Variants in GARS1 observed in about 807,000 individuals in gnomAD.
GARS1 encodes glycine--tRNA ligase.
Under a neutral mutation model 86.4 loss-of-function variants are expected in GARS1, and 46 were observed. The observed-to-expected ratio is 0.53, with a 90% CI of 0.42 to 0.68. GARS1 has a LOEUF of 0.68. GARS1 is among the 30% of genes least tolerant of loss of function. The probability of loss-of-function intolerance (pLI) is 0.00; values close to 1 mark genes in which losing one functional copy is unlikely to be tolerated. For missense variants in GARS1, 797 were observed against 915.6 expected (o/e 0.87, Z 1.67); for synonymous variants, 342 against 329.8 (o/e 1.04, Z -0.40).
chr7:30,611,885 G>A (rs1782765837), intron 7 of GARS1, among the ~76,000 whole-genome samples: 1 of 152,178 alleles, frequency 6.6e-6, no homozygotes, highest in Non-Finnish European at 1.5e-5. Context: ...AAGTAGTACT[G>A]CCACACTAAT....
rs1252857159 is a variant in GARS1 at position 30,622,323 on chromosome 7, G to A, written c.1474G>A (p.Val492Ile). Residue 492 changes from valine to isoleucine, a missense_variant, in exon 12 of 17, where the codon GTC becomes ATC. Val to Ile is a conservative substitution (Grantham distance 29, BLOSUM62 3). Coordinates refer to ENST00000389266, the MANE Select transcript of GARS1 (RefSeq NM_002047.4). Reference sequence around the variant, plus strand: ...TTCCTTGACTACTTCATACAAAACAGTCAATGTTGTTCAGTTTGAACCCAG... The same window carrying A: ...TTCCTTGACTACTTCATACAAAACAATCAATGTTGTTCAGTTTGAACCCAG... ...AEKPLKEPKTVNVVQFEPSKG... is the reference protein window; with the variant it reads ...AEKPLKEPKTINVVQFEPSKG... The A allele has an allele frequency of 6.2e-7, 1 of 1,614,122 alleles. No individual in the cohort carries two copies. Among genetic ancestry groups the A allele is most frequent in the Admixed American group, 1.7e-5 (1 of 60,028 alleles).
intron 1 of GARS1, among the ~76,000 whole-genome samples, chr7:30,598,047 C>G (rs978002412): frequency 6.6e-6 from 1 of 152,016 alleles, no homozygotes; most frequent in Non-Finnish European, 1.5e-5. Context: ...GAAGATGAGC[C>G]AGCAGTGACT....
Position 30,632,787 on chromosome 7 carries a change from A to G in GARS1, c.2094+350A>G, listed in dbSNP as rs1783262460. Among the ~76,000 whole-genome samples the G allele has an allele frequency of 6.6e-6, 1 of 152,122 alleles. No individual in the cohort carries two copies. The highest frequency in any genetic ancestry group is 2.1e-4 in the South Asian group (1 of 4,826). On this transcript the variant is annotated intron_variant, in intron 16 of 16. Coordinates refer to ENST00000389266, the MANE Select transcript of GARS1 (RefSeq NM_002047.4). This position sits in a 1 kb window ranked among gnomAD's most constrained non-coding sequence, Gnocchi z 4.1. The stretch of plus-strand genomic sequence containing the variant: ...GGAGGGTTAGACATTTTAATGTTTT[A>G]TTTTTACAGACGCGTATACATGTGT...
In GARS1 at chr7:30,632,880, G is replaced by A. The variant is rs1297529325; in HGVS notation, c.2094+443G>A. On this transcript the variant is annotated intron_variant, in intron 16 of 16. Coordinates refer to ENST00000389266, the MANE Select transcript of GARS1 (RefSeq NM_002047.4). This position sits in a 1 kb window ranked among gnomAD's most constrained non-coding sequence, Gnocchi z 4.1. ...CATGTTTCAGTAGTTTTGGTCAATA[G>A]GAAGGCAGTAATGGAGATGGTAGAA... Among the ~76,000 whole-genome samples, 3 of 152,198 alleles carry A rather than the reference G, an allele frequency of 2.0e-5. No individual in the cohort carries two copies. Among genetic ancestry groups the A allele is most frequent in the African/African-American group, 4.8e-5 (2 of 41,440 alleles).
chr7:30,615,747 A>T lies in GARS1; in HGVS notation c.1032-149A>T, dbSNP rs17159280. ...TCAAAATTTTTTTGGCCATTCCCTT[A>T]GGAAACCAACTTTCTGTTTAGTGAA... On this transcript the variant is annotated intron_variant, in intron 8 of 16. Coordinates refer to ENST00000389266, the MANE Select transcript of GARS1 (RefSeq NM_002047.4). 24,924 of 859,068 alleles carry T rather than the reference A, an allele frequency of 0.029. 441 individuals are homozygous for T. Among genetic ancestry groups the T allele is most frequent in the African/African-American group, 0.056 (3,284 of 58,368 alleles). 53.2% of individuals were successfully genotyped at this position (859,068 alleles called of 1,614,324 possible).
At chr7:30,609,850 G>T (rs1791562005) in intron 7 of GARS1, 120 bp downstream of exon 7, 6 of 788,128 alleles carry the variant, frequency 7.6e-6, no homozygotes, top group Non-Finnish European at 1.3e-5. Context: ...CAGAAGTACA[G>T]ATGAATGTAT....
intron 13 of GARS1, among the ~76,000 whole-genome samples, chr7:30,627,359 A>T (rs1349944813): frequency 7.2e-5 from 11 of 152,134 alleles, no homozygotes; most frequent in Admixed American, 7.2e-4. Flanking sequence ...CATCACCATT[A>T]CTCAGATACC....
chr7:30,616,546 G>A (rs1382143970), intron 9 of GARS1, among the ~76,000 whole-genome samples: 2 of 152,232 alleles, frequency 1.3e-5, no homozygotes, highest in Non-Finnish European at 2.9e-5. Flanking sequence ...GCCTCAGGGA[G>A]CAGTGAGCTT....
In GARS1 at chr7:30,632,736, T is replaced by A. The variant is rs1783261963; in HGVS notation, c.2094+299T>A. ...AGAGAAATATGATCCTAAGAATTTG[T>A]TGCCATAGTTTTATTGGTAGGCTTT... On this transcript the variant is annotated intron_variant, in intron 16 of 16. Coordinates refer to ENST00000389266, the MANE Select transcript of GARS1 (RefSeq NM_002047.4). The surrounding 1 kb of genome is among the most constrained non-coding windows in gnomAD (Gnocchi z 4.1). Among the ~76,000 whole-genome samples, 1 of 152,268 alleles carries A rather than the reference T, an allele frequency of 6.6e-6. No individual in the cohort carries two copies. The highest frequency in any genetic ancestry group is 2.4e-5 in the African/African-American group (1 of 41,472).
chr7:30,626,217 G>A lies in GARS1; in HGVS notation c.1614-17G>A. 2 of 1,532,074 alleles carry A rather than the reference G, an allele frequency of 1.3e-6. No homozygotes were observed. The highest frequency in any genetic ancestry group is 2.3e-5 in the East Asian group (1 of 44,408). 94.9% of individuals were successfully genotyped at this position (1,532,074 alleles called of 1,614,324 possible). ...GCCTGTTTGAACTAATACAAAATGT[G>A]TTTTGTTTCTTCGTAGGGAATTCAC... On this transcript the variant is annotated splice_polypyrimidine_tract_variant and intron_variant, in intron 12 of 16. Coordinates refer to ENST00000389266, the MANE Select transcript of GARS1 (RefSeq NM_002047.4).
intron 8 of GARS1, among the ~76,000 whole-genome samples, chr7:30,614,769 G>A (rs1209226696): frequency 2.6e-5 from 4 of 151,790 alleles, no homozygotes; most frequent in Admixed American, 6.5e-5. Flanking sequence ...CCAGCTACTC[G>A]GGAGGCTGAG....
chr7:30,626,549 C>A (rs900868710), intron 13 of GARS1, among the ~76,000 whole-genome samples: 1 of 152,184 alleles, frequency 6.6e-6, no homozygotes, highest in Non-Finnish European at 1.5e-5. Context: ...GAGGTTTTTG[C>A]CATGTTGCCC....
upstream of GARS1, chr7:30,594,803 T>A (rs1316244974): frequency 1.2e-6 from 1 of 846,704 alleles, no homozygotes; most frequent in East Asian, 2.8e-5. Context: ...CACGCGGTGG[T>A]GAATGTGCGG....
intron 7 of GARS1, among the ~76,000 whole-genome samples, chr7:30,610,255 C>T (rs1474666818): frequency 6.6e-6 from 1 of 152,174 alleles, no homozygotes; most frequent in Non-Finnish European, 1.5e-5. Context: ...AGACATCTGC[C>T]TGGTGTCCTA....
chr7:30,628,205 A>C (rs888035986), intron 13 of GARS1, among the ~76,000 whole-genome samples: 5 of 146,424 alleles, frequency 3.4e-5, no homozygotes, highest in African/African-American at 1.3e-4. Flanking sequence ...TTTTTTTGAG[A>C]TGAAGTCTCG....
At chr7:30,622,493 G>C in intron 12 of GARS1, 31 bp downstream of exon 12, 1 of 1,613,078 alleles carries the variant, frequency 6.2e-7, no homozygotes, top group Non-Finnish European at 8.5e-7. Context: ...TCTTCCATGG[G>C]CTCCAGTCAG....
At chr7:30,595,412 T>G (rs561894906) in intron 1 of GARS1, among the ~76,000 whole-genome samples, 1 of 152,284 alleles carries the variant, frequency 6.6e-6, no homozygotes, top group Admixed American at 6.5e-5. Context: ...TCCGGCTCCG[T>G]TCTCCCTTCC....
intron 10 of GARS1, 61 bp from the exon 11 acceptor site, chr7:30,621,332 G>A: frequency 7.4e-7 from 1 of 1,349,466 alleles, no homozygotes; most frequent in South Asian, 1.2e-5. Flanking sequence ...ATGCATTTGT[G>A]AATGAACCCA....
chr7:30,620,929 A>C (rs1295662184), intron 10 of GARS1, among the ~76,000 whole-genome samples: 8 of 152,266 alleles, frequency 5.3e-5, no homozygotes, highest in Admixed American at 1.3e-4. Context: ...CTAGGTTCAC[A>C]TTTAATTTCC....
Sources: gnomAD v4.1 joint callset for allele counts (sites outside exome capture counted in the v4.1 genomes callset) on GRCh38, gnomAD v4.1.1 for gene constraint, Gnocchi (gnomAD v3.1) non-coding constraint, MANE v1.5 for transcripts, NCBI Gene and HGNC (gene_info 2026-07-23, HGNC 2026-07-21) for gene names.